The following LRFN5 variants were observed in gnomAD, a reference collection of about 807,000 sequenced individuals.
LRFN5 encodes leucine-rich repeat and fibronectin type-III domain-containing protein 5.
LRFN5 carries 24 observed loss-of-function variants against 45.6 expected under a neutral mutation model. That is an observed-to-expected ratio of 0.53 (90% CI 0.38 to 0.74). LRFN5 has a LOEUF of 0.74. LRFN5 is among the 30% of genes least tolerant of loss of function. The probability of loss-of-function intolerance (pLI) is 0.00; values close to 1 mark genes in which losing one functional copy is unlikely to be tolerated. For missense variants in LRFN5, 776 were observed against 861.5 expected (o/e 0.90, Z 1.24); for synonymous variants, 340 against 313.8 (o/e 1.08, Z -0.88).
At chr14:41,679,398 G>A (rs1881784209) in intron 1 of LRFN5, among the ~76,000 whole-genome samples, 1 of 151,982 alleles carries the variant, frequency 6.6e-6, no homozygotes, top group Non-Finnish European at 1.5e-5. Context: ...GATTTGTCTT[G>A]AAACCTGTAT....
At position 41,892,562 on chromosome 14, in the gene LRFN5, C is replaced by G. The variant is rs143065599; in HGVS notation, c.2098+600C>G. ...TTTTAATAAGTAGACTGTATATTTT[C>G]TTTCAATGGTAATAGTGTTTCCTTT... On this transcript the variant is annotated intron_variant, in intron 4 of 5. Coordinates refer to ENST00000298119, the MANE Select transcript of LRFN5 (RefSeq NM_152447.5). 7 of 979,338 alleles carry G rather than the reference C, an allele frequency of 7.1e-6. No individual in the cohort carries two copies. In the East Asian group the frequency reaches 8.0e-4, roughly 111 times the overall value. 60.7% of individuals were successfully genotyped at this position (979,338 alleles called of 1,614,324 possible).
At chr14:41,858,512 C>T (rs761339828) in intron 2 of LRFN5, among the ~76,000 whole-genome samples, 23 of 151,478 alleles carry the variant, frequency 1.5e-4, no homozygotes, top group Non-Finnish European at 2.5e-4. Flanking sequence ...TTTTTTTTTC[C>T]GCCATAGGCT....
chr14:41,836,667 G>A (rs1167159256), intron 2 of LRFN5, among the ~76,000 whole-genome samples: 2 of 152,122 alleles, frequency 1.3e-5, no homozygotes, highest in Non-Finnish European at 2.9e-5. Flanking sequence ...TTTGCTAATT[G>A]ACACGATCTT....
intron 1 of LRFN5, among the ~76,000 whole-genome samples, chr14:41,755,018 A>G (rs1326277367): frequency 6.6e-6 from 1 of 151,898 alleles, no homozygotes; most frequent in Non-Finnish European, 1.5e-5. Context: ...TCATTTCGTT[A>G]TGTACCCGGT....
intron 1 of LRFN5, among the ~76,000 whole-genome samples, chr14:41,736,809 C>A (rs1172135836): frequency 2.0e-5 from 3 of 152,006 alleles, no homozygotes; most frequent in Non-Finnish European, 4.4e-5. Context: ...AGGAAGAAGT[C>A]AAATCCCTGA....
At chr14:41,688,817 A>T (rs1396616542) in intron 1 of LRFN5, among the ~76,000 whole-genome samples, 1 of 151,890 alleles carries the variant, frequency 6.6e-6, no homozygotes, top group Admixed American at 6.6e-5. Context: ...TATGTCTGAA[A>T]TCTCAGCACT....
intron 1 of LRFN5, among the ~76,000 whole-genome samples, chr14:41,671,621 T>TTTTTTTTTTTG: frequency 7.3e-6 from 1 of 136,348 alleles, no homozygotes; most frequent in South Asian, 2.6e-4. Flanking sequence ...TTTTTCGTTT[T>TTTTTTTTTTTG]TTTTTTTTTT....
chr14:41,756,459 C>T (rs967894308), intron 1 of LRFN5, among the ~76,000 whole-genome samples: 3 of 152,100 alleles, frequency 2.0e-5, no homozygotes, highest in Non-Finnish European at 4.4e-5. Context: ...AGGCTTTATT[C>T]GTTTCTTTTT....
chr14:41,677,744 T>G (rs1881700301), intron 1 of LRFN5, among the ~76,000 whole-genome samples: 1 of 151,794 alleles, frequency 6.6e-6, no homozygotes, highest in African/African-American at 2.4e-5. Flanking sequence ...ATAAGAAATG[T>G]GAAACACCAT....
intron 2 of LRFN5, among the ~76,000 whole-genome samples, chr14:41,775,239 C>T (rs1886244480): frequency 6.6e-6 from 1 of 151,792 alleles, no homozygotes; most frequent in Non-Finnish European, 1.5e-5. Flanking sequence ...TACAGGCGCC[C>T]ACCACCAGGC....
chr14:41,626,400 T>C (rs1342762627), intron 1 of LRFN5, among the ~76,000 whole-genome samples: 1 of 152,128 alleles, frequency 6.6e-6, no homozygotes, highest in Non-Finnish European at 1.5e-5. Context: ...TACAACAGAC[T>C]GTATGCCTGG....
intron 1 of LRFN5, among the ~76,000 whole-genome samples, chr14:41,623,054 A>G (rs1047024006): frequency 3.3e-5 from 5 of 152,154 alleles, no homozygotes; most frequent in African/African-American, 1.2e-4. Context: ...AGCTGGTGAG[A>G]TCTAGGTCAG....
At chr14:41,632,919 A>G (rs547978440) in intron 1 of LRFN5, among the ~76,000 whole-genome samples, 1 of 152,306 alleles carries the variant, frequency 6.6e-6, no homozygotes, top group South Asian at 2.1e-4. Context: ...ATTAAATGTA[A>G]GAATTATGAA....
chr14:41,782,688 G>A (rs1886571440), intron 2 of LRFN5, among the ~76,000 whole-genome samples: 1 of 152,106 alleles, frequency 6.6e-6, no homozygotes, highest in Non-Finnish European at 1.5e-5. Context: ...GATGGACTTT[G>A]TTTAGCATTT....
At chr14:41,761,526 C>A (rs992392158) in intron 1 of LRFN5, among the ~76,000 whole-genome samples, 1 of 152,012 alleles carries the variant, frequency 6.6e-6, no homozygotes, top group Admixed American at 6.6e-5. Flanking sequence ...CCACTAAGAG[C>A]GACAATAATG....
intron 5 of LRFN5, 80 bp downstream of exon 5, chr14:41,899,040 T>C (rs955945395): frequency 1.8e-6 from 2 of 1,127,396 alleles, no homozygotes; most frequent in South Asian, 1.5e-5. Context: ...AAGTAATTAG[T>C]TTGCTAATTT....
chr14:41,691,564 TATATAC>T (rs1052853579), intron 1 of LRFN5, among the ~76,000 whole-genome samples: 1 of 152,054 alleles, frequency 6.6e-6, no homozygotes, highest in African/African-American at 2.4e-5. Context: ...CATATACATA[TATATAC>T]ATATACATAT....
At chr14:41,657,856 C>T (rs1880452077) in intron 1 of LRFN5, among the ~76,000 whole-genome samples, 1 of 151,452 alleles carries the variant, frequency 6.6e-6, no homozygotes, top group Non-Finnish European at 1.5e-5. Flanking sequence ...TGCTTTCTCT[C>T]GCATAGAAAC....
chr14:41,846,042 A>C, intron 2 of LRFN5, among the ~76,000 whole-genome samples: 1 of 139,976 alleles, frequency 7.1e-6, no homozygotes, highest in African/African-American at 2.5e-5. Context: ...AAACTAAAAA[A>C]CTGTACAGAT....
Sources: gnomAD v4.1 joint callset for allele counts (sites outside exome capture counted in the v4.1 genomes callset) on GRCh38, gnomAD v4.1.1 for gene constraint, MANE v1.5 for transcripts, NCBI Gene and HGNC (gene_info 2026-07-23, HGNC 2026-07-21) for gene names.